GALNTL5: variants seen among roughly 807,000 people sequenced by gnomAD.
GALNTL5 encodes the protein polypeptide N-acetylgalactosaminyltransferase like 5, also known as inactive polypeptide N-acetylgalactosaminyltransferase-like protein 5.
In GALNTL5, 44 loss-of-function variants were observed where a neutral mutation model predicts 51.0. The observed-to-expected ratio is 0.86, with a 90% confidence interval of 0.68 to 1.11. The LOEUF is 1.11. GALNTL5 is among the 50% of genes least tolerant of loss of function. GALNTL5 has a pLI of 0.00. For missense variants in GALNTL5, 528 were observed against 531.8 expected, an observed-to-expected ratio of 0.99 and a Z score of 0.07; for synonymous variants, 192 against 182.8, an observed-to-expected ratio of 1.05 and a Z score of -0.41.
intron 5 of GALNTL5, among the ~76,000 whole-genome samples, chr7:151,993,823 C>T (rs1473652054): frequency 6.6e-6 from 1 of 151,964 alleles, no homozygotes; most frequent in Non-Finnish European, 1.5e-5. Context: ...TCTCACTGTC[C>T]TGCCCAGGCT....
At chr7:152,015,977 T>C (rs2081807887) in intron 8 of GALNTL5, among the ~76,000 whole-genome samples, 2 of 152,204 alleles carry the variant, frequency 1.3e-5, no homozygotes, top group African/African-American at 4.8e-5. Context: ...TCATCTTATG[T>C]TTCTCTAACT....
intron 5 of GALNTL5, among the ~76,000 whole-genome samples, chr7:151,988,320 G>A (rs1224226889): frequency 6.6e-6 from 1 of 152,188 alleles, no homozygotes; most frequent in Non-Finnish European, 1.5e-5. Flanking sequence ...GAGAGCCCAG[G>A]CCTCCTACGA....
intron 1 of GALNTL5, among the ~76,000 whole-genome samples, 169 bp from the exon 2 acceptor site, chr7:151,967,039 T>G (rs753496321): frequency 1.3e-5 from 2 of 152,180 alleles, no homozygotes; most frequent in Non-Finnish European, 2.9e-5. Context: ...CTTAGGAATA[T>G]CAGTTTTAGG....
intron 1 of GALNTL5, among the ~76,000 whole-genome samples, chr7:151,963,785 G>A (rs1341126835): frequency 6.6e-6 from 1 of 152,162 alleles, no homozygotes; most frequent in African/African-American, 2.4e-5. Context: ...TTGATAGCCT[G>A]TTCCTCTGGT....
At chr7:152,016,193 T>A (rs373779677) in intron 8 of GALNTL5, among the ~76,000 whole-genome samples, 2 of 151,960 alleles carry the variant, frequency 1.3e-5, no homozygotes, top group South Asian at 2.1e-4. Flanking sequence ...TCACCTGAGG[T>A]TGGGAGTTCA....
chr7:152,014,885 G>T, intron 8 of GALNTL5, 92 bp downstream of exon 8: 1 of 1,233,170 alleles, frequency 8.1e-7, no homozygotes, highest in South Asian at 1.5e-5. Context: ...CAGATCCAGC[G>T]TTTGTTCTGG....
At chr7:151,999,017 T>C (rs538378685) in intron 5 of GALNTL5, among the ~76,000 whole-genome samples, 1 of 152,346 alleles carries the variant, frequency 6.6e-6, no homozygotes, top group Middle Eastern at 3.4e-3. Flanking sequence ...TTTCATTACC[T>C]GAAAAGAAAG....
At chr7:152,011,484 C>T (rs2081737703) in intron 7 of GALNTL5, among the ~76,000 whole-genome samples, 1 of 152,254 alleles carries the variant, frequency 6.6e-6, no homozygotes, top group African/African-American at 2.4e-5. Context: ...CTGCCATCCC[C>T]AGATGCTGGC....
At chr7:151,995,933 G>A (rs2151953440) in intron 5 of GALNTL5, among the ~76,000 whole-genome samples, 1 of 152,238 alleles carries the variant, frequency 6.6e-6, no homozygotes, top group Admixed American at 6.5e-5. Context: ...CGTTACTCCA[G>A]GCTCAAACCC....
At chr7:151,994,215 T>A (rs2081463553) in intron 5 of GALNTL5, among the ~76,000 whole-genome samples, 1 of 152,222 alleles carries the variant, frequency 6.6e-6, no homozygotes, top group Admixed American at 6.5e-5. Context: ...TGGGATCCTG[T>A]TGTGTGGGCA....
At chr7:151,977,504 A>G (rs1253542543) in intron 3 of GALNTL5, among the ~76,000 whole-genome samples, 1 of 152,096 alleles carries the variant, frequency 6.6e-6, no homozygotes, top group Non-Finnish European at 1.5e-5. Context: ...TTTTCTCTTC[A>G]AAAAAAGTCT....
intron 5 of GALNTL5, among the ~76,000 whole-genome samples, chr7:151,998,781 AAACAAAAAAC>A (rs2081533448): frequency 6.9e-6 from 1 of 143,930 alleles, no homozygotes; most frequent in African/African-American, 2.7e-5. Flanking sequence ...AAAAAAAAAA[AAACAAAAAAC>A]AAAACTACTC....
intron 4 of GALNTL5, 151 bp downstream of exon 4, chr7:151,983,303 G>A (rs371203367): frequency 1.2e-4 from 80 of 679,380 alleles, no homozygotes; most frequent in Admixed American, 1.9e-4. Context: ...TCAGCCTCCC[G>A]TGCAGCTGGG....
chr7:152,005,238 C>T (rs1035104702), intron 6 of GALNTL5, among the ~76,000 whole-genome samples: 1 of 151,530 alleles, frequency 6.6e-6, no homozygotes, highest in African/African-American at 2.4e-5. Context: ...CACACACACA[C>T]AAAAAGCAAA....
At chr7:151,979,982 G>A (rs946438170) in intron 3 of GALNTL5, among the ~76,000 whole-genome samples, 1 of 152,110 alleles carries the variant, frequency 6.6e-6, no homozygotes, top group Admixed American at 6.5e-5. Context: ...AAGTCATCCT[G>A]GACCACCACT....
Position 151,987,164 on chromosome 7 carries a change from T to C in GALNTL5, c.541T>C (p.Leu181=). The change falls in exon 5 of 9, where the codon TTG becomes CTG. Residue 181 remains leucine, a synonymous_variant. Coordinates refer to ENST00000392800, the MANE Select transcript of GALNTL5 (RefSeq NM_145292.4). ...TGTGTTGAATATTTTTCCAGATGAT[T>C]TGAAAGAAAAACTAGACTATCACCT... ...LVDDMSKVDD[L]KEKLDYHLET... is the part of the protein sequence containing the mutation. 1.3e-6 allele frequency: 2 copies of C among 1,587,398 alleles called. No homozygotes were observed. Among genetic ancestry groups the C allele is most frequent in the Non-Finnish European group, 1.7e-6 (2 of 1,171,180 alleles).
intron 1 of GALNTL5, among the ~76,000 whole-genome samples, chr7:151,965,299 T>G (rs769264992): frequency 6.6e-6 from 1 of 152,214 alleles, no homozygotes; most frequent in Non-Finnish European, 1.5e-5. Context: ...TAAAATCTCA[T>G]GTGCATTGAT....
intron 2 of GALNTL5, among the ~76,000 whole-genome samples, chr7:151,969,685 A>T (rs2081105243): frequency 6.6e-6 from 1 of 152,116 alleles, no homozygotes. Context: ...GCAGCCCACA[A>T]TGCATTGCAA....
At chr7:152,014,826 T>C (rs1248792335) in intron 8 of GALNTL5, 33 bp downstream of exon 8, 1 of 1,578,156 alleles carries the variant, frequency 6.3e-7, no homozygotes, top group East Asian at 2.3e-5. Flanking sequence ...GGAAAATGTA[T>C]GCGAGGCCGG....
Sources: allele counts gnomAD v4.1 joint callset (sites outside exome capture counted in the v4.1 genomes callset), GRCh38; gene constraint gnomAD v4.1.1; transcripts MANE v1.5; gene names NCBI Gene and HGNC (gene_info 2026-07-23, HGNC 2026-07-21).